Variants in MYH6 observed in about 807,000 individuals in gnomAD.
The protein encoded by MYH6 is myosin heavy chain 6, also known as myosin-6.
MYH6 carries 126 observed loss-of-function variants against 223.2 expected under a neutral mutation model. The observed-to-expected ratio is 0.56, with a 90% CI of 0.49 to 0.65. MYH6 has a LOEUF of 0.65. Ranked by LOEUF, MYH6 falls within the 30% of genes least tolerant of loss-of-function variation. The pLI, the probability that MYH6 is intolerant of heterozygous loss-of-function variation, is 0.00. For synonymous variants in MYH6, 978 were observed against 1,010.2 expected (o/e 0.97, Z 0.61); for missense variants, 2,040 against 2,536.4 (o/e 0.80, Z 4.20).
chr14:23,392,687 G>T, intron 24 of MYH6, 35 bp from the exon 25 acceptor site: 1 of 1,460,366 alleles, frequency 6.8e-7, no homozygotes, highest in Non-Finnish European at 9.6e-7. Flanking sequence ...GGAGTGACAG[G>T]TAGCCTTCCT....
intron 20 of MYH6, among the ~76,000 whole-genome samples, chr14:23,395,868 C>T (rs767018418): frequency 6.6e-6 from 1 of 152,150 alleles, no homozygotes; most frequent in Non-Finnish European, 1.5e-5. Context: ...AAACTGTTTT[C>T]CTAGGAAGTT....
In MYH6 at chr14:23,407,229, T is replaced by G; in HGVS notation, c.-6A>C. On this transcript the variant is annotated 5_prime_UTR_variant, in exon 3 of 39. Transcript: ENST00000405093. The surrounding 1 kb of genome is among the most constrained non-coding windows in gnomAD (Gnocchi z 5.6). ...GCCATCTGGGCATCGGTCATCTTGG[T>G]GCTTCCCCTGGGTCAGAGACAGGAG... 6.2e-7 allele frequency: 1 copy of G among 1,614,216 alleles called. No individual in the cohort carries two copies. Among genetic ancestry groups the G allele is most frequent in the South Asian group, 1.1e-5 (1 of 91,084 alleles).
chr14:23,404,548 T>A (rs960605773), intron 7 of MYH6, among the ~76,000 whole-genome samples, 160 bp from the exon 8 acceptor site: 22 of 152,020 alleles, frequency 1.4e-4, no homozygotes, highest in African/African-American at 5.1e-4. Flanking sequence ...GACCTCAGGG[T>A]GAGTGTCTCC....
Position 23,407,025 on chromosome 14 carries a change from T to G in MYH6, c.199A>C (p.Lys67Gln), listed in dbSNP as rs1250343009. The G allele has an allele frequency of 1.2e-6, 2 of 1,613,904 alleles. No individual in the cohort carries two copies. The highest frequency in any genetic ancestry group is 1.7e-6 in the Non-Finnish European group (2 of 1,179,930). Reference protein sequence around the residue: ...GKVIAETENGKTVTVKEDQVL... With the variant: ...GKVIAETENGQTVTVKEDQVL... ...CCCCGGCGCCATGCCCTACTCACCT[T>G]CCCATTCTCGGTTTCAGCAATGACC... is the stretch of plus-strand genomic sequence containing the variant. Residue 67 changes from lysine (K) to glutamine (Q), a missense_variant and splice_region_variant, in exon 3 of 39, where the codon AAG (lysine) becomes CAG (glutamine). This residue lies in a region of MYH6 where 184 missense variants were observed against 232.4 expected (regional missense o/e 0.79). Coordinates refer to ENST00000405093, the MANE Select transcript of MYH6 (RefSeq NM_002471.4). The surrounding 1 kb of genome is among the most constrained non-coding windows in gnomAD (Gnocchi z 5.6).
rs1488705293 is a variant in MYH6, at chr14:23,398,893, C to T, written c.1726G>A (p.Ala576Thr). 5.6e-6 allele frequency: 9 copies of T among 1,614,024 alleles called. No individual in the cohort carries two copies. In the Admixed American group the frequency reaches 1.5e-4, roughly 27 times the overall value. Residue 576 changes from alanine (A) to threonine (T), a missense_variant, in exon 15 of 39, where the codon GCC becomes ACC. Physicochemically the swap from Ala to Thr is moderately conservative, Grantham distance 58. Around this residue, in one of 4 missense-constraint regions of MYH6, gnomAD observed 649 missense variants for 877.3 expected, o/e 0.74. Transcript: ENST00000405093. ...KPRNIKGKQEAHFSLIHYAGT... is the reference protein window; with the variant it reads ...KPRNIKGKQETHFSLIHYAGT... ...GCGTAGTGGATCAGGGAGAAGTGGG[C>T]TTCCTGCTTCCCCTTGATGTTGCGT... is the stretch of plus-strand genomic sequence containing the variant.
Position 23,385,924 on chromosome 14 carries a change from T to A in MYH6, c.5163+4A>T. The A allele has an allele frequency of 6.2e-7, 1 of 1,614,162 alleles. No individual in the cohort carries two copies. The highest frequency in any genetic ancestry group is 1.1e-5 in the South Asian group (1 of 91,076). ...TTCCACAAGGTGGCTCCTGACCCCC[T>A]CACCTGGGAATGCAGCAGCTGCACC... On this transcript the variant is annotated splice_donor_region_variant and intron_variant, in intron 34 of 38. Transcript: ENST00000405093.
chr14:23,400,954 T>C lies in MYH6; in HGVS notation c.1165A>G (p.Met389Val). The part of the protein sequence containing the change: ...TEDADKSAYL[M>V]GLNSADLLKG... ...AGCAGGTCAGCTGAGTTCAGCCCCATGAGGTAGGCCGACTTGTCAGCATCT... is the reference window on the plus strand; with the variant it reads ...AGCAGGTCAGCTGAGTTCAGCCCCACGAGGTAGGCCGACTTGTCAGCATCT... Residue 389 changes from methionine (M) to valine (V), a missense_variant, in exon 13 of 39, where the codon ATG becomes GTG. Met to Val is a conservative substitution (Grantham distance 21). Around this residue, in one of 4 missense-constraint regions of MYH6, gnomAD observed 649 missense variants for 877.3 expected, o/e 0.74. Transcript: ENST00000405093. 1.2e-6 allele frequency: 2 copies of C among 1,613,788 alleles called. No individual in the cohort carries two copies. The highest frequency in any genetic ancestry group is 1.1e-5 in the South Asian group (1 of 91,062).
In MYH6 at chr14:23,393,048, A is replaced by T; in HGVS notation, c.3115T>A (p.Ser1039Thr). Residue 1039 changes from serine to threonine, a missense_variant, in exon 24 of 39, where the codon TCC becomes ACC. Physicochemically the swap from Ser to Thr is moderately conservative, Grantham distance 58 (BLOSUM62 1). Around this residue, in one of 4 missense-constraint regions of MYH6, gnomAD observed 1,203 missense variants for 1,400.2 expected, o/e 0.86. Coordinates refer to ENST00000405093, the MANE Select transcript of MYH6 (RefSeq NM_002471.4). Reference sequence around the variant, plus strand: ...CGCACCTTCTTCTCTTGCTCTAGGGATCCCTCCAGCTGTTGGAGGGAAGAA... The same window carrying T: ...CGCACCTTCTTCTCTTGCTCTAGGGTTCCCTCCAGCTGTTGGAGGGAAGAA... ...LEQQVDDLEG[S>T]LEQEKKVRMD... 6.2e-7 allele frequency: 1 copy of T among 1,614,074 alleles called. No individual in the cohort carries two copies. Among genetic ancestry groups the T allele is most frequent in the Non-Finnish European group, 8.5e-7 (1 of 1,180,004 alleles).
chr14:23,388,758 C>T, intron 29 of MYH6, 101 bp downstream of exon 29: 1 of 1,544,942 alleles, frequency 6.5e-7, no homozygotes, highest in Non-Finnish European at 8.9e-7. Context: ...TTCCTCCTGT[C>T]TCTTCCACTT....
chr14:23,397,753 G>T, intron 15 of MYH6, 140 bp from the exon 16 acceptor site: 1 of 902,504 alleles, frequency 1.1e-6, no homozygotes, highest in Non-Finnish European at 1.8e-6. Flanking sequence ...CCATGAGGAT[G>T]ACAGTAACAA....
At chr14:23,406,338 C>T (rs988785680) in intron 3 of MYH6, among the ~76,000 whole-genome samples, 40 of 152,266 alleles carry the variant, frequency 2.6e-4, no homozygotes, top group African/African-American at 8.9e-4. Flanking sequence ...TGGAGAAATC[C>T]GTGGCTCTAA....
intron 23 of MYH6, 135 bp downstream of exon 23, chr14:23,393,207 G>T: frequency 6.8e-7 from 1 of 1,462,178 alleles, no homozygotes; most frequent in Non-Finnish European, 9.5e-7. Context: ...GAGACCTACT[G>T]TAGTGAGGAA....
rs2138623064 is a variant in MYH6 at position 23,407,312 on chromosome 14, C to T, written c.-13-76G>A. ...AGCGAGTGGCTTTGTCCTCTGCAGC[C>T]CCCCTCCCTACCCCCGCTCCTCTCC... On this transcript the variant is annotated intron_variant, in intron 2 of 38. Transcript: ENST00000405093. The surrounding 1 kb of genome is among the most constrained non-coding windows in gnomAD (Gnocchi z 5.6). 2 of 1,536,786 alleles carry T rather than the reference C, an allele frequency of 1.3e-6. No individual in the cohort carries two copies. Among genetic ancestry groups the T allele is most frequent in the Non-Finnish European group, 1.8e-6 (2 of 1,118,872 alleles).
Position 23,392,302 on chromosome 14 carries a change from C to T in MYH6, c.3342+260G>A, listed in dbSNP as rs140388714. ...TATCATTTGTCTTAGAGTAGAAAGT[C>T]CCTGAGGCAGAGCAGATCTCAGAAG... On this transcript the variant is annotated intron_variant, in intron 25 of 38. Transcript: ENST00000405093. 7.0e-4 allele frequency among the ~76,000 whole-genome samples: 107 copies of T among 152,038 alleles called. 2 individuals are homozygous for T. In the South Asian group the frequency reaches 8.7e-3, roughly 12 times the overall value.
chr14:23,382,390 T>C, intron 38 of MYH6, 38 bp downstream of exon 38: 1 of 1,613,444 alleles, frequency 6.2e-7, no homozygotes. Flanking sequence ...GGCATGCTAA[T>C]GTGGAAGTGA....
intron 20 of MYH6, among the ~76,000 whole-genome samples, chr14:23,395,519 T>C (rs1444506022): frequency 6.7e-6 from 1 of 148,684 alleles, no homozygotes; most frequent in East Asian, 1.9e-4. Context: ...TGGAGAAGTA[T>C]GCAGCTGTTC....
At chr14:23,395,775 G>T (rs542111799) in intron 20 of MYH6, among the ~76,000 whole-genome samples, 1 of 151,996 alleles carries the variant, frequency 6.6e-6, no homozygotes, top group Non-Finnish European at 1.5e-5. Flanking sequence ...TGATCCACCC[G>T]CCTCGGCCTC....
Position 23,402,635 on chromosome 14 carries a change from G to A in MYH6, c.1003-33C>T, listed in dbSNP as rs371251715. ...AGAGCGAGAGACAAAGAGGGGGGTT[G>A]GAGCGGTGGCCCCAGGAGCTCCTGG... On this transcript the variant is annotated intron_variant, in intron 11 of 38. Coordinates refer to ENST00000405093, the MANE Select transcript of MYH6 (RefSeq NM_002471.4). 127 of 1,613,796 alleles carry A rather than the reference G, an allele frequency of 7.9e-5. No individual in the cohort carries two copies. In the African/African-American group the frequency reaches 1.4e-3, roughly 18 times the overall value.
rs1021271475 is a variant in MYH6 at position 23,405,713 on chromosome 14, T to A, written c.259A>T (p.Ile87Phe). Residue 87 changes from isoleucine (I) to phenylalanine (F), a missense_variant, in exon 4 of 39, where the codon ATT becomes TTT. By Grantham distance (21) the Ile-to-Phe change is conservative. This residue lies in a region of MYH6 where 184 missense variants were observed against 232.4 expected (regional missense o/e 0.79). Transcript: ENST00000405093. The surrounding 1 kb of genome is among the most constrained non-coding windows in gnomAD (Gnocchi z 4.7). The stretch of plus-strand genomic sequence containing the variant: ...AAGGTCAGCATGGCCATGTCCTCAA[T>A]CTTGTCGAACTTGGGTGGGTTCTGC... ...LQQNPPKFDK[I>F]EDMAMLTFLH... 5 of 1,613,992 alleles carry A rather than the reference T, an allele frequency of 3.1e-6. No homozygotes were observed. Among genetic ancestry groups the A allele is most frequent in the Middle Eastern group, 1.6e-4 (1 of 6,084 alleles).
Sources: gnomAD v4.1 joint callset for allele counts (sites outside exome capture counted in the v4.1 genomes callset) on GRCh38, gnomAD v4.1.1 for gene constraint, gnomAD v4.1.1 regional missense constraint, Gnocchi (gnomAD v3.1) non-coding constraint, MANE v1.5 for transcripts, NCBI Gene and HGNC (gene_info 2026-07-23, HGNC 2026-07-21) for gene names.